Variants in NCK2 observed in about 807,000 individuals in gnomAD.
The protein encoded by NCK2 is NCK adaptor protein 2.
In NCK2, 16 loss-of-function variants were observed where a neutral mutation model predicts 33.9. The ratio of observed to expected loss-of-function variants is 0.47; its 90% CI spans 0.32 to 0.72. NCK2 has a LOEUF of 0.72. NCK2 is among the 30% of genes least tolerant of loss of function. NCK2 has a pLI of 0.03. For synonymous variants in NCK2, 273 were observed against 239.9 expected (o/e 1.14, Z -1.27); for missense variants, 418 against 537.3 (o/e 0.78, Z 2.19).
intron 1 of NCK2, among the ~76,000 whole-genome samples, chr2:105,810,445 A>G (rs1477088432): frequency 6.6e-6 from 1 of 152,040 alleles, no homozygotes; most frequent in Non-Finnish European, 1.5e-5. Flanking sequence ...CTTCAGAAAA[A>G]GGGGGGTTTG....
intron 3 of NCK2, among the ~76,000 whole-genome samples, chr2:105,867,781 A>G (rs889022494): frequency 4.8e-4 from 73 of 152,176 alleles, no homozygotes; most frequent in Non-Finnish European, 4.9e-4. Flanking sequence ...TACTAAGATG[A>G]TCTCACCCTG....
chr2:105,763,103 C>G (rs1689820215), intron 1 of NCK2, among the ~76,000 whole-genome samples: 1 of 152,156 alleles, frequency 6.6e-6, no homozygotes, highest in Admixed American at 6.5e-5. Flanking sequence ...GAGGCTGAGT[C>G]AGGAGAATTG....
At chr2:105,796,570 G>A (rs1691089022) in intron 1 of NCK2, among the ~76,000 whole-genome samples, 2 of 152,162 alleles carry the variant, frequency 1.3e-5, no homozygotes, top group Admixed American at 6.5e-5. Flanking sequence ...GTTCAGATCG[G>A]CAGCGTCTGG....
chr2:105,758,270 T>C (rs1689655388), intron 1 of NCK2, among the ~76,000 whole-genome samples: 1 of 152,204 alleles, frequency 6.6e-6, no homozygotes, highest in Non-Finnish European at 1.5e-5. Context: ...TTACTTCTCT[T>C]GGATTAGTAA....
intron 1 of NCK2, among the ~76,000 whole-genome samples, chr2:105,754,411 C>T (rs1689543454): frequency 6.6e-6 from 1 of 152,188 alleles, no homozygotes; most frequent in Non-Finnish European, 1.5e-5. Context: ...TTCGATTTTC[C>T]TTAACGGTTA....
chr2:105,848,957 T>C (rs1235870815), intron 2 of NCK2, among the ~76,000 whole-genome samples: 1 of 152,250 alleles, frequency 6.6e-6, no homozygotes, highest in Non-Finnish European at 1.5e-5. Context: ...TCTAAACCAA[T>C]TATTTGCACA....
At chr2:105,761,828 C>T (rs1318431743) in intron 1 of NCK2, among the ~76,000 whole-genome samples, 3 of 152,230 alleles carry the variant, frequency 2.0e-5, no homozygotes, top group African/African-American at 2.4e-5. Context: ...TGCAGTGAGC[C>T]GTGATCAGGC....
chr2:105,854,998 A>T, intron 2 of NCK2, 50 bp from the exon 3 acceptor site: 1 of 1,401,652 alleles, frequency 7.1e-7, no homozygotes, highest in Non-Finnish European at 1.0e-6. Context: ...GCAAAGGATG[A>T]AGTGTCCGGG....
intron 2 of NCK2, among the ~76,000 whole-genome samples, chr2:105,817,935 A>G (rs1233456577): frequency 6.6e-6 from 1 of 152,118 alleles, no homozygotes; most frequent in Non-Finnish European, 1.5e-5. Context: ...CTGGGTATAT[A>G]CCCAAAGGAA....
intron 1 of NCK2, among the ~76,000 whole-genome samples, chr2:105,750,111 AT>A (rs1053972047): frequency 1.3e-5 from 2 of 151,052 alleles, no homozygotes; most frequent in African/African-American, 4.9e-5. Context: ...GCAGACATTT[AT>A]TTTCTCACAG....
chr2:105,775,439 T>C (rs779744505), intron 1 of NCK2, among the ~76,000 whole-genome samples: 35 of 152,218 alleles, frequency 2.3e-4, no homozygotes, highest in Non-Finnish European at 4.1e-4. Context: ...GTTTTTAAAA[T>C]TTAACTTCAG....
chr2:105,797,836 A>G (rs1403182469), intron 1 of NCK2, among the ~76,000 whole-genome samples: 1 of 152,240 alleles, frequency 6.6e-6, no homozygotes, highest in African/African-American at 2.4e-5. Context: ...TGGCACAGAA[A>G]AAAAACCCTT....
intron 3 of NCK2, among the ~76,000 whole-genome samples, chr2:105,871,214 A>T (rs1169099351): frequency 6.6e-6 from 1 of 151,988 alleles, no homozygotes; most frequent in Non-Finnish European, 1.5e-5. Context: ...TGTCCTTCCC[A>T]AGGAGATAAA....
At chr2:105,772,981 T>G (rs1172751686) in intron 1 of NCK2, among the ~76,000 whole-genome samples, 1 of 150,554 alleles carries the variant, frequency 6.6e-6, no homozygotes, top group Non-Finnish European at 1.5e-5. Context: ...TGCCTTGAAC[T>G]CCTGGATTCA....
chr2:105,749,299 A>C (rs1228895374), intron 1 of NCK2, among the ~76,000 whole-genome samples: 1 of 152,196 alleles, frequency 6.6e-6, no homozygotes, highest in Non-Finnish European at 1.5e-5. Context: ...TCAGAATTTT[A>C]AGTATTGCAG....
intron 3 of NCK2, among the ~76,000 whole-genome samples, chr2:105,861,150 C>T (rs1224659503): frequency 6.6e-5 from 10 of 152,248 alleles, no homozygotes; most frequent in Non-Finnish European, 1.5e-5. Context: ...GAGAAGAGAG[C>T]AATTTGAATT....
intron 1 of NCK2, among the ~76,000 whole-genome samples, chr2:105,788,193 A>T (rs1457091951): frequency 2.6e-5 from 4 of 152,250 alleles, no homozygotes; most frequent in Non-Finnish European, 4.4e-5. Context: ...TTCATCAGCT[A>T]TGTGAATTGG....
At chr2:105,882,096 C>G (rs1573246281) in intron 4 of NCK2, 47 bp downstream of exon 4, 16 of 1,466,162 alleles carry the variant, frequency 1.1e-5, no homozygotes, top group Non-Finnish European at 1.4e-5. Context: ...GTAAATGCGC[C>G]TTGCGCGGTG....
At chr2:105,859,825 C>T (rs1001210651) in intron 3 of NCK2, among the ~76,000 whole-genome samples, 1 of 152,124 alleles carries the variant, frequency 6.6e-6, no homozygotes, top group African/African-American at 2.4e-5. Flanking sequence ...GAGGCAGAGC[C>T]TCAGTGAAGG....
Sources: gnomAD v4.1 joint callset for allele counts (sites outside exome capture counted in the v4.1 genomes callset) on GRCh38, gnomAD v4.1.1 for gene constraint, MANE v1.5 for transcripts, NCBI Gene and HGNC (gene_info 2026-07-23, HGNC 2026-07-21) for gene names.